DPYSL2: variants seen among roughly 807,000 people sequenced by gnomAD.
The protein encoded by DPYSL2 is dihydropyrimidinase-related protein 2.
A neutral mutation model predicts 69.9 loss-of-function variants in DPYSL2; 13 were observed. The ratio of observed to expected loss-of-function variants is 0.19; its 90% CI spans 0.12 to 0.30. The LOEUF (loss-of-function observed/expected upper bound fraction) is 0.30, where lower values mean the gene tolerates loss of function less well. DPYSL2 is among the 10% of genes least tolerant of loss of function. DPYSL2 has a pLI of 1.00. For synonymous variants in DPYSL2, 326 were observed against 359.1 expected, an observed-to-expected ratio of 0.91 and a Z score of 1.04; for missense variants, 587 against 918.9, an observed-to-expected ratio of 0.64 and a Z score of 4.67.
At chr8:26,589,359 G>T (rs767175523) in intron 3 of DPYSL2, among the ~76,000 whole-genome samples, 1 of 152,206 alleles carries the variant, frequency 6.6e-6, no homozygotes, top group Admixed American at 6.5e-5. Context: ...TTCAATCAAG[G>T]CCCCTCTGTC....
intron 1 of DPYSL2, among the ~76,000 whole-genome samples, chr8:26,540,678 G>C (rs1275580052): frequency 6.6e-6 from 1 of 152,168 alleles, no homozygotes. Context: ...GGCCAAGGCA[G>C]GCAGATCACC....
At chr8:26,570,996 G>A (rs399014) in intron 1 of DPYSL2, among the ~76,000 whole-genome samples, 137,908 of 152,180 alleles carry the variant, frequency 0.91, 62,905 homozygotes, top group East Asian at 0.99. Context: ...CAACATAACA[G>A]TATTTTAGAA....
At chr8:26,543,779 G>A (rs1451179656) in intron 1 of DPYSL2, among the ~76,000 whole-genome samples, 1 of 152,122 alleles carries the variant, frequency 6.6e-6, no homozygotes, top group Non-Finnish European at 1.5e-5. Context: ...GAGCCACCGC[G>A]CCTGGCCACT....
intron 1 of DPYSL2, among the ~76,000 whole-genome samples, chr8:26,549,142 T>C (rs535224844): frequency 6.6e-6 from 1 of 152,032 alleles, no homozygotes; most frequent in East Asian, 1.9e-4. Context: ...TGAGCTGAGA[T>C]CATGCCACTG....
At chr8:26,558,574 T>C (rs1199253883) in intron 1 of DPYSL2, among the ~76,000 whole-genome samples, 8 of 152,224 alleles carry the variant, frequency 5.3e-5, no homozygotes, top group Non-Finnish European at 8.8e-5. Context: ...TGAGCCCTAA[T>C]GTAAACTGTG....
intron 10 of DPYSL2, among the ~76,000 whole-genome samples, chr8:26,645,081 T>C (rs1054454042): frequency 6.6e-6 from 1 of 152,126 alleles, no homozygotes; most frequent in South Asian, 2.1e-4. Flanking sequence ...ATATGTGACA[T>C]GCGTGAGTGT....
chr8:26,563,885 AAGAGT>A (rs1360312340), intron 1 of DPYSL2, among the ~76,000 whole-genome samples: 7 of 151,960 alleles, frequency 4.6e-5, no homozygotes, highest in Admixed American at 2.6e-4. Context: ...GAAGTGTGGA[AAGAGT>A]CAGGAATAAA....
At chr8:26,548,212 A>G (rs1800811951) in intron 1 of DPYSL2, 1 of 234,546 alleles carries the variant, frequency 4.3e-6, no homozygotes, top group Non-Finnish European at 8.7e-6. Flanking sequence ...TGCTGTGGCC[A>G]AGGCCTCCAA....
chr8:26,567,128 C>A (rs1563389283), intron 1 of DPYSL2, among the ~76,000 whole-genome samples: 2 of 151,042 alleles, frequency 1.3e-5, no homozygotes, highest in Non-Finnish European at 3.0e-5. Flanking sequence ...ATCCATCCAT[C>A]CATACAAACA....
chr8:26,587,502 T>C lies in DPYSL2; in HGVS notation c.628+3519T>C, dbSNP rs1385549423. On this transcript the variant is annotated intron_variant, in intron 3 of 13. Transcript: ENST00000521913. This position sits in a 1 kb window ranked among gnomAD's most constrained non-coding sequence, Gnocchi z 4.2. The stretch of plus-strand genomic sequence containing the variant: ...CCAGGTCACAGGCCCTGGAGACTCC[T>C]TTCTGTCTGAAATGGCGCCGCATGT... Among the ~76,000 whole-genome samples, 1 of 152,194 alleles carries C rather than the reference T, an allele frequency of 6.6e-6. No individual in the cohort carries two copies. Among genetic ancestry groups the C allele is most frequent in the African/African-American group, 2.4e-5 (1 of 41,444 alleles).
chr8:26,615,851 A>G (rs1585548440), intron 3 of DPYSL2, among the ~76,000 whole-genome samples: 3 of 152,330 alleles, frequency 2.0e-5, no homozygotes, highest in East Asian at 3.9e-4. Flanking sequence ...GAGAAACAGT[A>G]TATTTGTACA....
intron 1 of DPYSL2, chr8:26,548,160 G>A (rs1022254853): frequency 3.0e-5 from 7 of 230,490 alleles, no homozygotes; most frequent in Admixed American, 2.2e-4. Flanking sequence ...GACCAAAGTG[G>A]TTCCAGACAA....
rs577876554 is a variant in DPYSL2, at chr8:26,582,174, A to C, written c.443+117A>C. 2.6e-6 allele frequency: 2 copies of C among 769,570 alleles called. No homozygotes were observed. Among genetic ancestry groups the C allele is most frequent in the South Asian group, 3.5e-5 (2 of 57,710 alleles). 47.7% of individuals were successfully genotyped at this position (769,570 alleles called of 1,614,324 possible). A position where few individuals can be genotyped will look rare whatever the true frequency, so the allele number is the denominator to read the frequency against. On this transcript the variant is annotated intron_variant, in intron 2 of 13. Coordinates refer to ENST00000521913, the MANE Select transcript of DPYSL2 (RefSeq NM_001197293.3). This position sits in a 1 kb window ranked among gnomAD's most constrained non-coding sequence, Gnocchi z 4.1. ...AGGAACATCAGAGAGTGACCAACTT[A>C]GTATCTGTTTTAAACTGGTTTTGAT... is the stretch of plus-strand genomic sequence containing the variant.
intron 3 of DPYSL2, among the ~76,000 whole-genome samples, chr8:26,611,099 T>A (rs905492429): frequency 6.6e-6 from 1 of 152,162 alleles, no homozygotes; most frequent in Non-Finnish European, 1.5e-5. Context: ...GTTAAGTACT[T>A]TGCCCAGGGT....
intron 1 of DPYSL2, among the ~76,000 whole-genome samples, chr8:26,531,858 G>A (rs1800514967): frequency 6.6e-6 from 1 of 152,074 alleles, no homozygotes; most frequent in South Asian, 2.1e-4. Context: ...TGCCGGTCTT[G>A]GTGGGAGCAG....
intron 1 of DPYSL2, among the ~76,000 whole-genome samples, chr8:26,555,036 G>C (rs1213411259): frequency 6.6e-6 from 1 of 151,012 alleles, no homozygotes; most frequent in Non-Finnish European, 1.5e-5. Context: ...TATACCAATA[G>C]ATGCAGTAAA....
chr8:26,592,250 C>G (rs1801743116), intron 3 of DPYSL2, among the ~76,000 whole-genome samples: 1 of 152,192 alleles, frequency 6.6e-6, no homozygotes, highest in Admixed American at 6.5e-5. Context: ...CGGCTTTGAA[C>G]TTCTAGGTTG....
chr8:26,514,550 C>T lies in DPYSL2; in HGVS notation c.225C>T (p.Gly75=), dbSNP rs1279679780. Residue 75 remains glycine (G), a synonymous_variant, in exon 1 of 14, where the codon GGC becomes GGT. Transcript: ENST00000521913. The surrounding 1 kb of genome is among the most constrained non-coding windows in gnomAD (Gnocchi z 8.4). ...VAQQRDVAHL[G]PDPQPPYSRQ... is the part of the protein sequence containing the mutation. ...AGCAGCGGGACGTCGCCCACTTGGGCCCGGACCCGCAGCCGCCGTACTCGC... is the reference window on the plus strand; with the variant it reads ...AGCAGCGGGACGTCGCCCACTTGGGTCCGGACCCGCAGCCGCCGTACTCGC... 1.3e-6 allele frequency: 2 copies of T among 1,528,026 alleles called. No homozygotes were observed. The highest frequency in any genetic ancestry group is 2.4e-5 in the South Asian group (2 of 82,778). 94.7% of individuals were successfully genotyped at this position (1,528,026 alleles called of 1,614,324 possible).
chr8:26,584,073 T>C (rs1318250419), intron 3 of DPYSL2, 90 bp downstream of exon 3: 1 of 1,382,704 alleles, frequency 7.2e-7, no homozygotes, highest in East Asian at 2.3e-5. Context: ...TTCTAAAACT[T>C]GCTGTCCTGA....
Sources: gnomAD v4.1 joint callset for allele counts (sites outside exome capture counted in the v4.1 genomes callset) on GRCh38, gnomAD v4.1.1 for gene constraint, Gnocchi (gnomAD v3.1) non-coding constraint, MANE v1.5 for transcripts, NCBI Gene and HGNC (gene_info 2026-07-23, HGNC 2026-07-21) for gene names.